MSRA: variants seen among roughly 807,000 people sequenced by gnomAD.
MSRA encodes the protein mitochondrial peptide methionine sulfoxide reductase.
In MSRA, 54 loss-of-function variants were observed where a neutral mutation model predicts 31.3. The observed-to-expected ratio is 1.73, with a 90% confidence interval of 1.39 to 2.17. The LOEUF is 2.17. Ranked by LOEUF, MSRA falls within the 30% of genes most tolerant of loss-of-function variation. MSRA has a pLI of 0.00. For synonymous variants in MSRA, 169 were observed against 116.5 expected (o/e 1.45, Z -2.90); for missense variants, 507 against 300.9 (o/e 1.69, Z -5.07).
chr8:10,156,876 A>G (rs1398118334), intron 1 of MSRA, among the ~76,000 whole-genome samples: 2 of 148,928 alleles, frequency 1.3e-5, no homozygotes, highest in African/African-American at 2.5e-5. Flanking sequence ...GTCTATAATC[A>G]AAATAGACTT....
At chr8:10,211,564 G>C (rs549474069) in intron 2 of MSRA, among the ~76,000 whole-genome samples, 1 of 152,260 alleles carries the variant, frequency 6.6e-6, no homozygotes, top group East Asian at 1.9e-4. Flanking sequence ...TCCTGTCTTT[G>C]TTCCTGGTAG....
rs564794885 is a variant in MSRA at position 10,119,244 on chromosome 8, T to G, written c.142+64586T>G. On this transcript the variant is annotated intron_variant, in intron 1 of 5. Transcript: ENST00000317173. ...GGTATATTTTAATATTGCTGTATAA[T>G]TTGTCCATAAAATGCTTATCTTCAT... Among the ~76,000 whole-genome samples, 19 of 152,376 alleles carry G rather than the reference T, an allele frequency of 1.2e-4. No homozygotes were observed. In the South Asian group the frequency reaches 3.9e-3, roughly 32 times the overall value.
At chr8:10,390,259 G>C (rs890689207) in intron 5 of MSRA, among the ~76,000 whole-genome samples, 2 of 152,212 alleles carry the variant, frequency 1.3e-5, no homozygotes, top group African/African-American at 4.8e-5. Flanking sequence ...CCTGAGAGGA[G>C]GGGGTCCCTG....
At chr8:10,061,994 G>T (rs543604751) in intron 1 of MSRA, among the ~76,000 whole-genome samples, 2 of 152,196 alleles carry the variant, frequency 1.3e-5, no homozygotes, top group Non-Finnish European at 2.9e-5. Flanking sequence ...GAGCCCCTGC[G>T]TTGGGTGGGG....
intron 1 of MSRA, among the ~76,000 whole-genome samples, chr8:10,191,410 A>G (rs1807493098): frequency 6.6e-6 from 1 of 152,198 alleles, no homozygotes; most frequent in African/African-American, 2.4e-5. Context: ...ATTTTTCTTC[A>G]TTGTTTTTGT....
chr8:10,233,414 A>G (rs1411891082), intron 2 of MSRA, among the ~76,000 whole-genome samples: 1 of 152,274 alleles, frequency 6.6e-6, no homozygotes, highest in African/African-American at 2.4e-5. Context: ...TTAATTTTTT[A>G]TAACAAACAA....
chr8:10,395,355 G>A (rs914056693), intron 5 of MSRA, among the ~76,000 whole-genome samples: 5 of 152,244 alleles, frequency 3.3e-5, no homozygotes, highest in East Asian at 1.9e-4. Context: ...TCTGTGAACC[G>A]CCATGTTCAC....
At chr8:10,078,623 C>G (rs1003911728) in intron 1 of MSRA, among the ~76,000 whole-genome samples, 2 of 152,248 alleles carry the variant, frequency 1.3e-5, no homozygotes, top group African/African-American at 4.8e-5. Context: ...CGGTGCTGCA[C>G]CCTGCAGAAG....
At chr8:10,382,138 G>C (rs753697491) in intron 5 of MSRA, among the ~76,000 whole-genome samples, 2 of 152,224 alleles carry the variant, frequency 1.3e-5, no homozygotes, top group Admixed American at 6.5e-5. Flanking sequence ...GGGCAAGGCT[G>C]TTGCAGCTGC....
chr8:10,362,624 G>T (rs907655260), intron 5 of MSRA, among the ~76,000 whole-genome samples: 1 of 151,706 alleles, frequency 6.6e-6, no homozygotes, highest in African/African-American at 2.4e-5. Context: ...TAGAGTCCAG[G>T]GTCCACAGGG....
At chr8:10,151,176 A>C (rs969070741) in intron 1 of MSRA, among the ~76,000 whole-genome samples, 1 of 150,068 alleles carries the variant, frequency 6.7e-6, no homozygotes, top group Non-Finnish European at 1.5e-5. Flanking sequence ...CGAGCTCACC[A>C]GGAGCTTCAC....
At chr8:10,313,115 G>C (rs1490190315) in intron 4 of MSRA, among the ~76,000 whole-genome samples, 2 of 152,152 alleles carry the variant, frequency 1.3e-5, no homozygotes, top group Admixed American at 1.3e-4. Flanking sequence ...CCTTGAAGTG[G>C]TCATGTGACT....
At chr8:10,338,984 A>G (rs1204609916) in intron 5 of MSRA, among the ~76,000 whole-genome samples, 3 of 152,230 alleles carry the variant, frequency 2.0e-5, no homozygotes, top group Non-Finnish European at 4.4e-5. Flanking sequence ...GCCAGTTTCC[A>G]GTCCTTGCCA....
At chr8:10,235,168 G>T (rs1236236189) in intron 2 of MSRA, among the ~76,000 whole-genome samples, 1 of 152,142 alleles carries the variant, frequency 6.6e-6, no homozygotes, top group Non-Finnish European at 1.5e-5. Context: ...TCACCAGGTT[G>T]TAGGTGACAA....
intron 2 of MSRA, among the ~76,000 whole-genome samples, chr8:10,218,649 A>T (rs898107433): frequency 6.6e-6 from 1 of 152,160 alleles, no homozygotes; most frequent in African/African-American, 2.4e-5. Context: ...ATAAGTGGTG[A>T]TTTTCCTTAT....
chr8:10,233,715 A>C (rs1435384928), intron 2 of MSRA, among the ~76,000 whole-genome samples: 1 of 152,220 alleles, frequency 6.6e-6, no homozygotes, highest in South Asian at 2.1e-4. Flanking sequence ...GTCAACTGAC[A>C]TGTAAAGGGA....
chr8:10,346,272 T>A (rs1042810130), intron 5 of MSRA, among the ~76,000 whole-genome samples: 1 of 152,174 alleles, frequency 6.6e-6, no homozygotes, highest in Non-Finnish European at 1.5e-5. Context: ...GAGTATAGAT[T>A]CAGAATCAGC....
intron 1 of MSRA, among the ~76,000 whole-genome samples, chr8:10,128,874 A>T (rs1801687621): frequency 6.6e-6 from 1 of 152,216 alleles, no homozygotes. Context: ...AAAGCTTGTT[A>T]TTATATATTA....
intron 3 of MSRA, among the ~76,000 whole-genome samples, chr8:10,269,059 G>C (rs962468528): frequency 1.3e-5 from 2 of 151,904 alleles, no homozygotes; most frequent in African/African-American, 2.4e-5. Context: ...CTCCAGGTTT[G>C]AATGCTTCTC....
Sources: gnomAD v4.1 joint callset for allele counts (sites outside exome capture counted in the v4.1 genomes callset) on GRCh38, gnomAD v4.1.1 for gene constraint, MANE v1.5 for transcripts, NCBI Gene and HGNC (gene_info 2026-07-23, HGNC 2026-07-21) for gene names.